RAB3C: variants seen among roughly 807,000 people sequenced by gnomAD.
RAB3C encodes the protein RAB3C, member RAS oncogene family.
Under a neutral mutation model 26.4 loss-of-function variants are expected in RAB3C, and 17 were observed. That is an observed-to-expected ratio of 0.64 (90% CI 0.44 to 0.97). RAB3C has a LOEUF of 0.97. Among genes scored for constraint, RAB3C ranks in the 50% least tolerant of loss-of-function variants. The pLI, the probability that RAB3C is intolerant of heterozygous loss-of-function variation, is 0.00. For missense variants in RAB3C, 242 were observed against 281.9 expected (o/e 0.86, Z 1.01); for synonymous variants, 91 against 95.9 (o/e 0.95, Z 0.30).
intron 2 of RAB3C, among the ~76,000 whole-genome samples, chr5:58,657,640 G>A (rs1319563493): frequency 1.3e-5 from 2 of 152,104 alleles, no homozygotes; most frequent in African/African-American, 4.8e-5. Flanking sequence ...AGCAGACAAG[G>A]GCCAGACCAT....
intron 4 of RAB3C, among the ~76,000 whole-genome samples, chr5:58,849,773 G>A (rs952382852): frequency 5.3e-5 from 8 of 152,210 alleles, no homozygotes; most frequent in Non-Finnish European, 1.2e-4. Flanking sequence ...GACTAAGTTG[G>A]AGATTTTAAC....
intron 3 of RAB3C, among the ~76,000 whole-genome samples, chr5:58,736,328 C>T (rs1341132641): frequency 2.0e-5 from 3 of 152,172 alleles, no homozygotes; most frequent in Non-Finnish European, 4.4e-5. Flanking sequence ...GCTAATGATA[C>T]ATGCAATGTG....
At chr5:58,679,431 T>C (rs1748301602) in intron 2 of RAB3C, among the ~76,000 whole-genome samples, 1 of 152,232 alleles carries the variant, frequency 6.6e-6, no homozygotes, top group African/African-American at 2.4e-5. Flanking sequence ...AGACATAATA[T>C]TTGGAGCGCT....
At chr5:58,664,307 T>G (rs796501533) in intron 2 of RAB3C, among the ~76,000 whole-genome samples, 1 of 152,206 alleles carries the variant, frequency 6.6e-6, no homozygotes, top group Non-Finnish European at 1.5e-5. Context: ...AAATGCACTA[T>G]TGATAACACA....
chr5:58,655,614 C>T, intron 2 of RAB3C, among the ~76,000 whole-genome samples: 1 of 151,790 alleles, frequency 6.6e-6, no homozygotes, highest in South Asian at 2.1e-4. Flanking sequence ...TTAAAAAGAG[C>T]AAGGAAACAT....
intron 2 of RAB3C, among the ~76,000 whole-genome samples, chr5:58,709,317 C>G (rs1749011096): frequency 6.6e-6 from 1 of 152,104 alleles, no homozygotes. Flanking sequence ...TTAAAGTGGC[C>G]CTGGGTGCCC....
At chr5:58,619,566 A>G (rs1376419391) in intron 2 of RAB3C, among the ~76,000 whole-genome samples, 1 of 152,198 alleles carries the variant, frequency 6.6e-6, no homozygotes, top group East Asian at 1.9e-4. Flanking sequence ...ATATGAAAGA[A>G]CAATCATTCC....
chr5:58,699,224 T>G (rs1349715153), intron 2 of RAB3C, among the ~76,000 whole-genome samples: 1 of 152,194 alleles, frequency 6.6e-6, no homozygotes, highest in Non-Finnish European at 1.5e-5. Flanking sequence ...GGAGTTCCAC[T>G]CCAGACCCTG....
At chr5:58,678,262 G>A (rs946446665) in intron 2 of RAB3C, among the ~76,000 whole-genome samples, 1 of 152,114 alleles carries the variant, frequency 6.6e-6, no homozygotes, top group African/African-American at 2.4e-5. Flanking sequence ...TTGGTGGCTA[G>A]GAATGAAACT....
At chr5:58,623,168 C>T (rs1267798832) in intron 2 of RAB3C, among the ~76,000 whole-genome samples, 5 of 152,224 alleles carry the variant, frequency 3.3e-5, no homozygotes, top group African/African-American at 1.2e-4. Flanking sequence ...GACTGGAACA[C>T]ATTCAACTAA....
intron 2 of RAB3C, among the ~76,000 whole-genome samples, chr5:58,705,287 C>T (rs1748922077): frequency 1.3e-5 from 2 of 152,134 alleles, no homozygotes; most frequent in Non-Finnish European, 2.9e-5. Context: ...CCTTTACCTT[C>T]AGGAAGAAAA....
chr5:58,813,261 CATT>C (rs1184530837), intron 3 of RAB3C, among the ~76,000 whole-genome samples: 1 of 152,070 alleles, frequency 6.6e-6, no homozygotes, highest in African/African-American at 2.4e-5. Flanking sequence ...TTCATACAAT[CATT>C]ATATATTTAT....
At chr5:58,833,331 C>T (rs199895867) in intron 4 of RAB3C, among the ~76,000 whole-genome samples, 5,168 of 148,906 alleles carry the variant, frequency 0.035, 208 homozygotes, top group African/African-American at 0.09. Context: ...CCATCACACA[C>T]ACACACACAC....
At chr5:58,775,942 T>G (rs1189720970) in intron 3 of RAB3C, among the ~76,000 whole-genome samples, 3 of 152,112 alleles carry the variant, frequency 2.0e-5, no homozygotes, top group African/African-American at 4.8e-5. Context: ...GCTCACATTT[T>G]CTTTTTGAGT....
chr5:58,673,689 T>G (rs901233761), intron 2 of RAB3C, among the ~76,000 whole-genome samples: 2 of 152,150 alleles, frequency 1.3e-5, no homozygotes, highest in African/African-American at 4.8e-5. Context: ...GTGAATGTGG[T>G]GGTTGGATTT....
At chr5:58,770,593 C>T (rs1742011130) in intron 3 of RAB3C, among the ~76,000 whole-genome samples, 1 of 151,944 alleles carries the variant, frequency 6.6e-6, no homozygotes, top group South Asian at 2.1e-4. Context: ...TATAAACTTC[C>T]CTGAACTTGT....
At chr5:58,638,516 A>T (rs1747336509) in intron 2 of RAB3C, among the ~76,000 whole-genome samples, 1 of 152,220 alleles carries the variant, frequency 6.6e-6, no homozygotes, top group Non-Finnish European at 1.5e-5. Context: ...AGCCATACTA[A>T]TGTTAAAACC....
chr5:58,842,677 C>A (rs930544678), intron 4 of RAB3C, among the ~76,000 whole-genome samples: 1 of 152,156 alleles, frequency 6.6e-6, no homozygotes, highest in African/African-American at 2.4e-5. Flanking sequence ...AAAAAGCTAG[C>A]TGCTTCTGGA....
At chr5:58,827,007 T>C (rs1477862997) in intron 4 of RAB3C, among the ~76,000 whole-genome samples, 1 of 152,154 alleles carries the variant, frequency 6.6e-6, no homozygotes, top group Non-Finnish European at 1.5e-5. Context: ...CACCAAATAT[T>C]CTTAGAGCCA....
Sources: allele counts gnomAD v4.1 joint callset (sites outside exome capture counted in the v4.1 genomes callset), GRCh38; gene constraint gnomAD v4.1.1; transcripts MANE v1.5; gene names NCBI Gene and HGNC (gene_info 2026-07-23, HGNC 2026-07-21).